The following KMT2A variants were observed in gnomAD, a reference collection of about 807,000 sequenced individuals.
KMT2A encodes histone-lysine N-methyltransferase 2A.
KMT2A carries 16 observed loss-of-function variants against 345.3 expected under a neutral mutation model. The observed-to-expected ratio is 0.05, with a 90% confidence interval of 0.03 to 0.07. KMT2A has a LOEUF of 0.07. KMT2A is among the 10% of genes least tolerant of loss of function. The probability of loss-of-function intolerance (pLI) is 1.00; values close to 1 mark genes in which losing one functional copy is unlikely to be tolerated. For synonymous variants in KMT2A, 1,599 were observed against 1,778.6 expected (o/e 0.90, Z 2.54); for missense variants, 3,272 against 4,841.6 (o/e 0.68, Z 9.62).
At position 118,473,365 on chromosome 11, in the gene KMT2A, A is replaced by G. The variant is rs2134266735; in HGVS notation, c.2206A>G (p.Arg736Gly). The G allele has an allele frequency of 1.2e-6, 2 of 1,614,078 alleles. No homozygotes were observed. Among genetic ancestry groups the G allele is most frequent in the South Asian group, 1.1e-5 (1 of 91,078 alleles). ...TTCTTCAGGAGTATCCAATAGAAAA[A>G]GGAAAAGAAAAGTGTTTAGTCCTAT... Reference protein sequence around the residue: ...TSSSGVSNRKRKRKVFSPIRS... With the variant: ...TSSSGVSNRKGKRKVFSPIRS... The change falls in exon 3 of 36, where the codon AGG (arginine) becomes GGG (glycine). Residue 736 changes from arginine to glycine, a missense_variant. By Grantham distance (125) the Arg-to-Gly change is moderately radical (BLOSUM62 -2). This residue lies in a region of KMT2A where 114 missense variants were observed against 203.2 expected (regional missense o/e 0.56). Coordinates refer to ENST00000534358, the MANE Select transcript of KMT2A (RefSeq NM_001197104.2). This position sits in a 1 kb window ranked among gnomAD's most constrained non-coding sequence, Gnocchi z 5.2.
chr11:118,501,523 T>C (rs1950500390), intron 25 of KMT2A, 149 bp from the exon 26 acceptor site: 2 of 647,420 alleles, frequency 3.1e-6, no homozygotes, highest in Non-Finnish European at 5.2e-6. Context: ...GGGAGTACTA[T>C]GATTGAAAGC....
intron 1 of KMT2A, among the ~76,000 whole-genome samples, chr11:118,460,182 G>A (rs1383095578): frequency 1.3e-5 from 2 of 152,202 alleles, no homozygotes; most frequent in African/African-American, 2.4e-5. Flanking sequence ...GCTCTGGAGT[G>A]CCTAGTTACA....
chr11:118,507,682 A>G, intron 28 of KMT2A, 73 bp downstream of exon 28: 1 of 1,298,792 alleles, frequency 7.7e-7, no homozygotes, highest in African/African-American at 1.4e-5. Context: ...TAGTTCTTCC[A>G]GGCCGGGCGC....
Position 118,481,762 on chromosome 11 carries a change from A to G in KMT2A, c.3682A>G (p.Ser1228Gly), listed in dbSNP as rs1555039263. ...KKSKTSEKKD[S>G]KESSVVKNVV... ...GTCTAAGACCAGTGAAAAGAAAGAC[A>G]GCAAAGAGAGCAGTGTTGTGAAGAA... The change falls in exon 7 of 36, where the codon AGC becomes GGC. Residue 1228 changes from serine (S) to glycine (G), a missense_variant. Physicochemically the swap from Ser to Gly is moderately conservative, Grantham distance 56 (BLOSUM62 0). Around this residue, in one of 27 missense-constraint regions of KMT2A, gnomAD observed 168 missense variants for 216.0 expected, o/e 0.78. Transcript: ENST00000534358. 2 of 1,614,046 alleles carry G rather than the reference A, an allele frequency of 1.2e-6. No homozygotes were observed. Among genetic ancestry groups the G allele is most frequent in the Non-Finnish European group, 1.7e-6 (2 of 1,179,998 alleles).
intron 31 of KMT2A, 164 bp from the exon 32 acceptor site, chr11:118,519,454 C>T (rs1451279332): frequency 4.9e-6 from 3 of 612,394 alleles, no homozygotes; most frequent in Non-Finnish European, 5.9e-6. Context: ...TCTGTATCAG[C>T]ATCATTTTAA....
At position 118,504,369 on chromosome 11, in the gene KMT2A, C is replaced by G. The variant is rs1950548672; in HGVS notation, c.8477C>G (p.Thr2826Ser). 3 of 1,614,150 alleles carry G rather than the reference C, an allele frequency of 1.9e-6. No homozygotes were observed. The highest frequency in any genetic ancestry group is 2.5e-6 in the Non-Finnish European group (3 of 1,180,018). The change falls in exon 27 of 36, where the codon ACC (threonine) becomes AGC (serine). Residue 2826 changes from threonine to serine, a missense_variant. Thr to Ser is a moderately conservative substitution (Grantham distance 58). Coordinates refer to ENST00000534358, the MANE Select transcript of KMT2A (RefSeq NM_001197104.2). The surrounding 1 kb of genome is among the most constrained non-coding windows in gnomAD (Gnocchi z 6.4). ...STPSDKNLLD[T>S]YNTELLKSDS... ...CCCTCCGACAAAAATTTACTGGACACCTATAATACTGAGCTCCTGAAATCA... is the reference window on the plus strand; with the variant it reads ...CCCTCCGACAAAAATTTACTGGACAGCTATAATACTGAGCTCCTGAAATCA...
chr11:118,459,537 A>C (rs1949706980), intron 1 of KMT2A, among the ~76,000 whole-genome samples: 4 of 152,210 alleles, frequency 2.6e-5, no homozygotes, highest in Admixed American at 2.6e-4. Context: ...GGCTGTATTC[A>C]TCTGAGGCCA....
At position 118,436,791 on chromosome 11, in the gene KMT2A, T is replaced by TTCGTCA. The variant is rs1555138721; in HGVS notation, c.285_290dup (p.Ser97_Ser98dup). 1 of 1,606,326 alleles carries TTCGTCA rather than the reference T, an allele frequency of 6.2e-7. No homozygotes were observed. Among genetic ancestry groups the TTCGTCA allele is most frequent in the Non-Finnish European group, 8.5e-7 (1 of 1,176,702 alleles). On this transcript the variant is annotated inframe_insertion, in exon 1 of 36. Transcript: ENST00000534358. This position sits in a 1 kb window ranked among gnomAD's most constrained non-coding sequence, Gnocchi z 6.9. ...CCTCGTCGTCCGCCTCGTCTTCGTC[T>TTCGTCA]TCGTCATCGTCCTCAGCCTCTTCAG...
chr11:118,479,242 A>AT (rs1331465821), intron 5 of KMT2A, among the ~76,000 whole-genome samples: 1 of 152,110 alleles, frequency 6.6e-6, no homozygotes, highest in Non-Finnish European at 1.5e-5. Context: ...CTAATATGGA[A>AT]TTTTTTATGT....
chr11:118,469,747 CT>C lies in KMT2A; in HGVS notation c.502+908del, dbSNP rs1329908120. Among the ~76,000 whole-genome samples, 60 of 152,264 alleles carry C rather than the reference CT, an allele frequency of 3.9e-4. 1 individual carries two copies. The highest frequency in any genetic ancestry group is 2.0e-4 in the Admixed American group (3 of 15,302). On this transcript the variant is annotated intron_variant, in intron 2 of 35. Coordinates refer to ENST00000534358, the MANE Select transcript of KMT2A (RefSeq NM_001197104.2). ...AATATGATATTGTTAGCTGTTTCTG[CT>C]TTTTGACATTGACTTAGCTTGTGAT...
chr11:118,521,295 A>G lies in KMT2A; in HGVS notation c.11521A>G (p.Ile3841Val), dbSNP rs990323476. The G allele has an allele frequency of 6.2e-7, 1 of 1,613,826 alleles. No homozygotes were observed. Among genetic ancestry groups the G allele is most frequent in the African/African-American group, 1.3e-5 (1 of 74,890 alleles). Reference protein sequence around the residue: ...KEAVGVYRSPIHGRGLFCKRN... With the variant: ...KEAVGVYRSPVHGRGLFCKRN... Reference sequence around the variant, plus strand: ...TTTCCATCTTTGTCCTAGGTCTCCCATCCATGGCCGGGGTCTTTTCTGTAA... The same window carrying G: ...TTTCCATCTTTGTCCTAGGTCTCCCGTCCATGGCCGGGGTCTTTTCTGTAA... The change falls in exon 35 of 36, where the codon ATC becomes GTC. Residue 3841 changes from isoleucine (I) to valine (V), a missense_variant. Transcript: ENST00000534358. This position sits in a 1 kb window ranked among gnomAD's most constrained non-coding sequence, Gnocchi z 5.3.
Position 118,526,148 on chromosome 11 carries a change from A to C in KMT2A, c.*3976A>C, listed in dbSNP as rs561563033. 4.6e-6 allele frequency: 1 copy of C among 216,376 alleles called. No homozygotes were observed. The highest frequency in any genetic ancestry group is 9.3e-6 in the Non-Finnish European group (1 of 107,396). 13.4% of individuals were successfully genotyped at this position (216,376 alleles called of 1,614,324 possible). A position where few individuals can be genotyped will look rare whatever the true frequency, so the allele number is the denominator to read the frequency against. The stretch of plus-strand genomic sequence containing the variant: ...TCCTCTGATTCCCGAAATGGGGGGA[A>C]CCTCTAACCATAAAGGAATGGTAGA... On this transcript the variant is annotated 3_prime_UTR_variant, in exon 36 of 36. Transcript: ENST00000534358.
intron 8 of KMT2A, among the ~76,000 whole-genome samples, chr11:118,483,376 CAA>C (rs11299231): frequency 6.6e-6 from 1 of 151,896 alleles, no homozygotes; most frequent in Non-Finnish European, 1.5e-5. Context: ...ACTAAAAATA[CAA>C]AAAAATTAGC....
In KMT2A at chr11:118,491,700, C is replaced by A; in HGVS notation, c.4820-44C>A. On this transcript the variant is annotated intron_variant, in intron 14 of 35. Transcript: ENST00000534358. The surrounding 1 kb of genome is among the most constrained non-coding windows in gnomAD (Gnocchi z 4.2). ...ATAGTTTCCTCTTCTTCCTCTCTCTCATTCTTCAGAGGACCTCATCATGGT... is the reference window on the plus strand; with the variant it reads ...ATAGTTTCCTCTTCTTCCTCTCTCTAATTCTTCAGAGGACCTCATCATGGT... The A allele has an allele frequency of 1.4e-6, 2 of 1,433,220 alleles. No homozygotes were observed. Among genetic ancestry groups the A allele is most frequent in the South Asian group, 1.3e-5 (1 of 75,818 alleles). The allele number at this position is 1,433,220 out of a possible 1,614,324, so 88.8% of individuals were successfully genotyped here. A position where few individuals can be genotyped will look rare whatever the true frequency, so the allele number is the denominator to read the frequency against.
intron 3 of KMT2A, among the ~76,000 whole-genome samples, chr11:118,475,447 G>T (rs1239822078): frequency 6.6e-6 from 1 of 152,152 alleles, no homozygotes; most frequent in Non-Finnish European, 1.5e-5. Flanking sequence ...TCACGGGCTG[G>T]GTACGGTGGC....
chr11:118,436,721 G>C lies in KMT2A; in HGVS notation c.209G>C (p.Ser70Thr), dbSNP rs1177309170. The C allele has an allele frequency of 1.4e-6, 2 of 1,431,474 alleles. No homozygotes were observed. Among genetic ancestry groups the C allele is most frequent in the African/African-American group, 2.9e-5 (2 of 68,850 alleles). 88.7% of individuals were successfully genotyped at this position (1,431,474 alleles called of 1,614,324 possible). A position where few individuals can be genotyped will look rare whatever the true frequency, so the allele number is the denominator to read the frequency against. ...VAAAAAAAGS[S>T]GAGVPGGAAA... The stretch of plus-strand genomic sequence containing the variant: ...GCCGCGGCGGCGGCGGCGGGAAGCA[G>C]CGGGGCTGGGGTTCCAGGGGGAGCG... Residue 70 changes from serine to threonine, a missense_variant, in exon 1 of 36, where the codon AGC becomes ACC. Coordinates refer to ENST00000534358, the MANE Select transcript of KMT2A (RefSeq NM_001197104.2). The surrounding 1 kb of genome is among the most constrained non-coding windows in gnomAD (Gnocchi z 6.9).
At chr11:118,458,633 G>A (rs782717776) in intron 1 of KMT2A, among the ~76,000 whole-genome samples, 11 of 152,182 alleles carry the variant, frequency 7.2e-5, no homozygotes, top group Non-Finnish European at 1.0e-4. Context: ...ACAAATGTGT[G>A]AACACATTTT....
At position 118,495,950 on chromosome 11, in the gene KMT2A, T is replaced by A; in HGVS notation, c.5557+57T>A. On this transcript the variant is annotated intron_variant, in intron 19 of 35. Coordinates refer to ENST00000534358, the MANE Select transcript of KMT2A (RefSeq NM_001197104.2). This position sits in a 1 kb window ranked among gnomAD's most constrained non-coding sequence, Gnocchi z 4.1. ...TTCCCTCTAGATGCAGATGATTGAC[T>A]TCGTGAATCCAATTCACTAAAATTA... 1 of 1,389,882 alleles carries A rather than the reference T, an allele frequency of 7.2e-7. No individual in the cohort carries two copies. Among genetic ancestry groups the A allele is most frequent in the African/African-American group, 1.4e-5 (1 of 69,086 alleles). 86.1% of individuals were successfully genotyped at this position (1,389,882 alleles called of 1,614,324 possible). A position where few individuals can be genotyped will look rare whatever the true frequency, so the allele number is the denominator to read the frequency against.
chr11:118,517,395 CAAAAAA>C (rs11436622), intron 31 of KMT2A, among the ~76,000 whole-genome samples: 3 of 113,914 alleles, frequency 2.6e-5, no homozygotes, highest in African/African-American at 3.5e-5. Flanking sequence ...GACTCTGTCT[CAAAAAA>C]AAAAAAAAAA....
Sources: gnomAD v4.1 joint callset for allele counts (sites outside exome capture counted in the v4.1 genomes callset) on GRCh38, gnomAD v4.1.1 for gene constraint, gnomAD v4.1.1 regional missense constraint, Gnocchi (gnomAD v3.1) non-coding constraint, MANE v1.5 for transcripts, NCBI Gene and HGNC (gene_info 2026-07-23, HGNC 2026-07-21) for gene names.